The following LY96 variants were observed in gnomAD, a reference collection of about 807,000 sequenced individuals.
LY96 encodes lymphocyte antigen 96, also known as myeloid differentiation protein-2.
In LY96, 18 loss-of-function variants were observed where a neutral mutation model predicts 18.9. The observed-to-expected ratio is 0.95, with a 90% CI of 0.66 to 1.41. The LOEUF (loss-of-function observed/expected upper bound fraction) is 1.41. Ranked by LOEUF, LY96 falls within the 40% of genes most tolerant of loss-of-function variation. The pLI, the probability that LY96 is intolerant of heterozygous loss-of-function variation, is 0.00. For missense variants in LY96, 175 were observed against 182.4 expected, an observed-to-expected ratio of 0.96 and a Z score of 0.23; for synonymous variants, 66 against 62.6, an observed-to-expected ratio of 1.06 and a Z score of -0.26.
At chr8:74,090,716 C>G in the LY96 span, among the ~76,000 whole-genome samples, 3 of 152,164 alleles carry the variant, frequency 2.0e-5, no homozygotes, top group Non-Finnish European at 2.9e-5. Flanking sequence ...TGATGTAGAT[C>G]AAAATGTTAA....
At chr8:73,993,741 C>T (rs1816060862) in intron 1 of LY96, among the ~76,000 whole-genome samples, 1 of 152,024 alleles carries the variant, frequency 6.6e-6, no homozygotes, top group Non-Finnish European at 1.5e-5. Context: ...CCGCAGCTGG[C>T]CTAATTATTA....
chr8:74,055,168 A>G, the LY96 span, among the ~76,000 whole-genome samples: 5 of 152,130 alleles, frequency 3.3e-5, no homozygotes, highest in Non-Finnish European at 7.4e-5. Context: ...TTAGCCTCCC[A>G]AAGTGCTGGG....
the LY96 span, among the ~76,000 whole-genome samples, chr8:74,070,730 GC>G: frequency 6.7e-6 from 1 of 150,122 alleles, no homozygotes; most frequent in Non-Finnish European, 1.5e-5. Flanking sequence ...AATGAGCCTT[GC>G]TTTTTTAAAA....
At chr8:74,060,283 T>C in the LY96 span, among the ~76,000 whole-genome samples, 3 of 152,236 alleles carry the variant, frequency 2.0e-5, no homozygotes, top group African/African-American at 7.2e-5. Flanking sequence ...TAACAAACAA[T>C]TGATATCCAG....
chr8:74,074,330 C>T, the LY96 span, among the ~76,000 whole-genome samples: 3 of 152,110 alleles, frequency 2.0e-5, no homozygotes, highest in African/African-American at 7.2e-5. Flanking sequence ...GAAATCTAGA[C>T]TTTTTTAACA....
At chr8:73,999,127 C>T (rs2131256022) in intron 1 of LY96, among the ~76,000 whole-genome samples, 1 of 152,088 alleles carries the variant, frequency 6.6e-6, no homozygotes, top group Non-Finnish European at 1.5e-5. Context: ...CCCGCCACCA[C>T]ACCCGGCTAA....
At chr8:74,062,061 A>G in the LY96 span, among the ~76,000 whole-genome samples, 1 of 152,124 alleles carries the variant, frequency 6.6e-6, no homozygotes, top group African/African-American at 2.4e-5. Flanking sequence ...ACTTTTTGCC[A>G]ATTTTATGGG....
At chr8:74,004,714 C>T in intron 1 of LY96, 82 bp from the exon 2 acceptor site, 1 of 1,271,040 alleles carries the variant, frequency 7.9e-7, no homozygotes. Flanking sequence ...CAAGATTCAT[C>T]TTAAAAGGCT....
the LY96 span, among the ~76,000 whole-genome samples, chr8:74,045,907 A>G: frequency 6.6e-6 from 1 of 152,114 alleles, no homozygotes; most frequent in Non-Finnish European, 1.5e-5. Flanking sequence ...CAGCTGACCT[A>G]GTCTATAGTG....
intron 3 of LY96, among the ~76,000 whole-genome samples, chr8:74,017,638 G>C (rs1816671641): frequency 6.6e-6 from 1 of 152,178 alleles, no homozygotes; most frequent in Non-Finnish European, 1.5e-5. Context: ...AAAATGTTAA[G>C]GGCAGCCAGA....
the LY96 span, among the ~76,000 whole-genome samples, chr8:74,044,781 A>G: frequency 6.6e-6 from 1 of 152,160 alleles, no homozygotes; most frequent in Admixed American, 6.6e-5. Flanking sequence ...ACATTAACCT[A>G]CTTTCAATGC....
rs774956870 is a variant in LY96, at chr8:74,004,776, ATTATCT to A, written c.113-15_113-10del. The A allele has an allele frequency of 1.1e-5, 17 of 1,536,386 alleles. No homozygotes were observed. Among genetic ancestry groups the A allele is most frequent in the Non-Finnish European group, 1.2e-5 (13 of 1,113,320 alleles). ...AGATGATTTGTAGTAATTTATTGAC[ATTATCT>A]TTATTGCTTTTAGATAAAATGCAAT... On this transcript the variant is annotated splice_polypyrimidine_tract_variant and intron_variant, in intron 1 of 4. Coordinates refer to ENST00000284818, the MANE Select transcript of LY96 (RefSeq NM_015364.5).
At chr8:74,034,898 C>G in the LY96 span, among the ~76,000 whole-genome samples, 1 of 152,168 alleles carries the variant, frequency 6.6e-6, no homozygotes, top group Admixed American at 6.5e-5. Flanking sequence ...GATGCCTAAA[C>G]AGCCAGTAAA....
chr8:74,072,876 T>TCAGTCAGGGTC, the LY96 span, among the ~76,000 whole-genome samples: 1 of 152,136 alleles, frequency 6.6e-6, no homozygotes, highest in African/African-American at 2.4e-5. Flanking sequence ...TGCGGGTGCC[T>TCAGTCAGGGTC]CAGTCAGGGT....
At chr8:74,064,922 T>C in the LY96 span, among the ~76,000 whole-genome samples, 1 of 152,158 alleles carries the variant, frequency 6.6e-6, no homozygotes, top group African/African-American at 2.4e-5. Context: ...GTGTGAAGGA[T>C]AAGAACTCAT....
At chr8:73,992,302 T>C (rs575428394) in intron 1 of LY96, among the ~76,000 whole-genome samples, 1 of 152,272 alleles carries the variant, frequency 6.6e-6, no homozygotes, top group East Asian at 1.9e-4. Context: ...CTTTCCACCG[T>C]GCTGCTTACC....
chr8:74,070,536 G>A, the LY96 span, among the ~76,000 whole-genome samples: 1 of 152,036 alleles, frequency 6.6e-6, no homozygotes, highest in Non-Finnish European at 1.5e-5. Flanking sequence ...ATTTAACTAT[G>A]ATCATTCTTC....
chr8:74,087,721 G>A, the LY96 span, among the ~76,000 whole-genome samples: 3 of 152,154 alleles, frequency 2.0e-5, no homozygotes, highest in Admixed American at 2.0e-4. Flanking sequence ...GAAAGACATC[G>A]CCAAGCTTTC....
chr8:74,045,311 A>G, the LY96 span, among the ~76,000 whole-genome samples: 1 of 152,246 alleles, frequency 6.6e-6, no homozygotes, highest in Non-Finnish European at 1.5e-5. Context: ...TACAGGGAAC[A>G]ACAGATGAAA....
Sources: gnomAD v4.1 joint callset for allele counts (sites outside exome capture counted in the v4.1 genomes callset) on GRCh38, gnomAD v4.1.1 for gene constraint, MANE v1.5 for transcripts, NCBI Gene and HGNC (gene_info 2026-07-23, HGNC 2026-07-21) for gene names.